RBFOX1: variants seen among roughly 807,000 people sequenced by gnomAD.
RBFOX1 encodes the protein RNA binding protein fox-1 homolog 1.
A neutral mutation model predicts 57.7 loss-of-function variants in RBFOX1; 8 were observed. The ratio of observed to expected loss-of-function variants is 0.14; its 90% CI spans 0.08 to 0.25. The LOEUF (loss-of-function observed/expected upper bound fraction) is 0.25, where lower values mean the gene tolerates loss of function less well. Among genes scored for constraint, RBFOX1 ranks in the 10% least tolerant of loss-of-function variants. The pLI is 1.00. For missense variants in RBFOX1, 611 were observed against 548.5 expected, an observed-to-expected ratio of 1.11 and a Z score of -1.14; for synonymous variants, 326 against 222.4, an observed-to-expected ratio of 1.47 and a Z score of -4.15.
At chr16:7,700,002 G>A (rs559590164) in intron 14 of RBFOX1, among the ~76,000 whole-genome samples, 1 of 152,224 alleles carries the variant, frequency 6.6e-6, no homozygotes, top group Admixed American at 6.5e-5. Context: ...GGTGCTAGGT[G>A]GGTGTGTTGG....
At chr16:5,491,585 A>G (rs979253474) in intron 2 of RBFOX1, among the ~76,000 whole-genome samples, 4 of 152,360 alleles carry the variant, frequency 2.6e-5, no homozygotes, top group African/African-American at 9.6e-5. Flanking sequence ...TAGATTAACA[A>G]CTGCTGTGCA....
intron 3 of RBFOX1, among the ~76,000 whole-genome samples, chr16:6,956,393 T>TGAGC (rs2081849469): frequency 6.6e-6 from 1 of 152,220 alleles, no homozygotes; most frequent in Non-Finnish European, 1.5e-5. Flanking sequence ...TCAAGGGGAA[T>TGAGC]GAGCAGGCTC....
At chr16:5,534,744 C>G (rs551841559) in intron 2 of RBFOX1, among the ~76,000 whole-genome samples, 18 of 152,264 alleles carry the variant, frequency 1.2e-4, no homozygotes, top group African/African-American at 4.1e-4. Flanking sequence ...CACAGACACA[C>G]CCAGAAACAA....
intron 1 of RBFOX1, among the ~76,000 whole-genome samples, chr16:5,449,395 G>C (rs2068352428): frequency 1.3e-5 from 2 of 152,158 alleles, no homozygotes; most frequent in Admixed American, 1.3e-4. Flanking sequence ...TTCCTTCACA[G>C]TAGCACAAAC....
intron 4 of RBFOX1, among the ~76,000 whole-genome samples, chr16:5,874,484 T>C (rs1276115674): frequency 1.3e-5 from 2 of 152,074 alleles, no homozygotes; most frequent in Non-Finnish European, 2.9e-5. Context: ...ATGGTACTGA[T>C]TGGACTGAGC....
intron 3 of RBFOX1, among the ~76,000 whole-genome samples, chr16:6,739,487 C>T (rs981191752): frequency 7.6e-6 from 1 of 130,888 alleles, no homozygotes; most frequent in African/African-American, 2.8e-5. Context: ...CCCCTCCCCC[C>T]ACCCCAAGGG....
rs549517173 is a variant in RBFOX1 at position 6,270,905 on chromosome 16, C to G, written c.-126-46090C>G. ...ACCAGAAAGATAACAGGAGAATCTG[C>G]AAACATTTGGCCACTAGACAGCACA... is the stretch of plus-strand genomic sequence containing the variant. On this transcript the variant is annotated intron_variant, in intron 1 of 15. Transcript: ENST00000550418. 2.3e-4 allele frequency among the ~76,000 whole-genome samples: 35 copies of G among 152,234 alleles called. 1 individual carries two copies. Among genetic ancestry groups the G allele is most frequent in the Non-Finnish European group, 4.3e-4 (29 of 68,020 alleles).
At chr16:6,631,684 A>G (rs1336190873) in intron 2 of RBFOX1, among the ~76,000 whole-genome samples, 1 of 152,208 alleles carries the variant, frequency 6.6e-6, no homozygotes, top group African/African-American at 2.4e-5. Flanking sequence ...TAAAGAAAAC[A>G]GAACAGAGAG....
chr16:6,531,221 C>G (rs909073793), intron 2 of RBFOX1, among the ~76,000 whole-genome samples: 1 of 152,206 alleles, frequency 6.6e-6, no homozygotes, highest in African/African-American at 2.4e-5. Context: ...CGCTCAGGGA[C>G]ATCTCTGAGA....
chr16:6,605,818 G>A (rs769818692), intron 2 of RBFOX1, among the ~76,000 whole-genome samples: 3 of 152,150 alleles, frequency 2.0e-5, no homozygotes, highest in Non-Finnish European at 4.4e-5. Flanking sequence ...TATGCATCCT[G>A]GCAGGCCACA....
At chr16:6,994,526 A>T (rs1414306759) in intron 3 of RBFOX1, among the ~76,000 whole-genome samples, 1 of 152,138 alleles carries the variant, frequency 6.6e-6, no homozygotes, top group African/African-American at 2.4e-5. Flanking sequence ...ATTTTCTTGC[A>T]TTTTTTAATA....
rs74769605 is a variant in RBFOX1 at position 6,967,055 on chromosome 16, C to G, written c.-15-85002C>G. On this transcript the variant is annotated intron_variant, in intron 3 of 15. Transcript: ENST00000550418. ...ATCTGTACGTGCATCCACCCTCCATCTATCCATATATCTATACATTCATCC... is the reference window on the plus strand; with the variant it reads ...ATCTGTACGTGCATCCACCCTCCATGTATCCATATATCTATACATTCATCC... Among the ~76,000 whole-genome samples, 213 of 152,292 alleles carry G rather than the reference C, an allele frequency of 1.4e-3. 1 individual carries two copies. The highest frequency in any genetic ancestry group is 6.8e-3 in the Middle Eastern group (2 of 294).
chr16:6,532,942 A>C (rs1567583918), intron 2 of RBFOX1, among the ~76,000 whole-genome samples: 1 of 152,182 alleles, frequency 6.6e-6, no homozygotes, highest in Non-Finnish European at 1.5e-5. Context: ...CTACCTGTAC[A>C]AAGGACAGTC....
At chr16:5,906,633 G>A (rs1052973914) in intron 4 of RBFOX1, among the ~76,000 whole-genome samples, 14 of 152,082 alleles carry the variant, frequency 9.2e-5, no homozygotes, top group Middle Eastern at 3.4e-3. Context: ...ACTGGGAGTC[G>A]GGACATGTGT....
chr16:6,927,435 A>AAAAAAAT (rs2075800965), intron 3 of RBFOX1, among the ~76,000 whole-genome samples: 1 of 150,814 alleles, frequency 6.6e-6, no homozygotes, highest in African/African-American at 2.5e-5. Flanking sequence ...AAAAAAAAAA[A>AAAAAAAT]AAAATCCGAA....
chr16:5,866,569 A>G (rs1026207612), intron 3 of RBFOX1, among the ~76,000 whole-genome samples: 1 of 152,248 alleles, frequency 6.6e-6, no homozygotes, highest in Non-Finnish European at 1.5e-5. Flanking sequence ...GGCATAGATG[A>G]ACAATGTTGG....
chr16:6,739,605 G>A (rs987307253), intron 3 of RBFOX1, among the ~76,000 whole-genome samples: 8 of 151,840 alleles, frequency 5.3e-5, no homozygotes, highest in Admixed American at 4.6e-4. Flanking sequence ...GGCCAGGTGG[G>A]GTGGCTCATG....
intron 3 of RBFOX1, among the ~76,000 whole-genome samples, chr16:6,845,958 T>C (rs1271354774): frequency 1.3e-5 from 2 of 152,210 alleles, no homozygotes; most frequent in Non-Finnish European, 2.9e-5. Context: ...TGCTTCTTCC[T>C]TAGGTGTTAC....
chr16:7,630,486 G>A (rs887883678), intron 10 of RBFOX1, 117 bp from the exon 11 acceptor site: 40 of 1,536,550 alleles, frequency 2.6e-5, no homozygotes, highest in Admixed American at 8.0e-5. Flanking sequence ...CTTGTCCTGC[G>A]CTCTGGGATG....
Sources: gnomAD v4.1 joint callset for allele counts (sites outside exome capture counted in the v4.1 genomes callset) on GRCh38, gnomAD v4.1.1 for gene constraint, MANE v1.5 for transcripts, NCBI Gene and HGNC (gene_info 2026-07-23, HGNC 2026-07-21) for gene names.